Variants in INTU observed in about 807,000 individuals in gnomAD.
The protein encoded by INTU is inturned planar cell polarity protein.
In INTU, 68 loss-of-function variants were observed where a neutral mutation model predicts 100.5. That is an observed-to-expected ratio of 0.68 (90% CI 0.56 to 0.83). The LOEUF is 0.83. Among genes scored for constraint, INTU ranks in the 40% least tolerant of loss-of-function variants. The pLI is 0.00. For missense variants in INTU, 1,071 were observed against 1,114.7 expected (o/e 0.96, Z 0.56); for synonymous variants, 357 against 395.7 (o/e 0.90, Z 1.16).
chr4:127,719,688 A>G lies in INTU; in HGVS notation c.*3252A>G, dbSNP rs1024156610. On this transcript the variant is annotated 3_prime_UTR_variant, in exon 16 of 16. Coordinates refer to ENST00000335251, the MANE Select transcript of INTU (RefSeq NM_015693.4). ...TGTTATTGGTCTATTCAGTGATTCA[A>G]CTTCTTCCTGGTTCAGTCTTGGGAG... 5 of 152,154 alleles carry G rather than the reference A, an allele frequency of 3.3e-5. No individual in the cohort carries two copies. The highest frequency in any genetic ancestry group is 1.2e-4 in the African/African-American group (5 of 41,442). The allele number at this position is 152,154 out of a possible 1,614,324, so 9.4% of individuals were successfully genotyped here. A position where few individuals can be genotyped will look rare whatever the true frequency, so the allele number is the denominator to read the frequency against.
Position 127,713,948 on chromosome 4 carries a change from C to G in INTU, c.2572C>G (p.Leu858Val). The G allele has an allele frequency of 3.7e-6, 6 of 1,603,688 alleles. No individual in the cohort carries two copies. Among genetic ancestry groups the G allele is most frequent in the Non-Finnish European group, 4.3e-6 (5 of 1,173,128 alleles). ...TATTAATTTACAGAAAAAGAAAGGA[C>G]TAAATAGTGGAGACCATTCAGATTC... The part of the protein sequence containing the change: ...QTLVEEKKKG[L>V]NSGDHSDSAK... Residue 858 changes from leucine (L) to valine (V), a missense_variant, in exon 15 of 16, where the codon CTA becomes GTA. Physicochemically the swap from Leu to Val is conservative, Grantham distance 32. Coordinates refer to ENST00000335251, the MANE Select transcript of INTU (RefSeq NM_015693.4).
chr4:127,699,894 G>C, intron 8 of INTU, 116 bp from the exon 9 acceptor site: 1 of 626,670 alleles, frequency 1.6e-6, no homozygotes, highest in Non-Finnish European at 2.7e-6. Context: ...TAACACAAAA[G>C]AGAAAGATAC....
intron 8 of INTU, among the ~76,000 whole-genome samples, chr4:127,689,019 C>T (rs1248336729): frequency 7.4e-6 from 1 of 135,902 alleles, no homozygotes; most frequent in Non-Finnish European, 1.5e-5. Flanking sequence ...CTTTGTCACC[C>T]CAGCTGGAGT....
At position 127,640,596 on chromosome 4, in the gene INTU, T is replaced by TAC. The variant is rs1553969749; in HGVS notation, c.147-2923_147-2922dup. On this transcript the variant is annotated intron_variant, in intron 1 of 15. Coordinates refer to ENST00000335251, the MANE Select transcript of INTU (RefSeq NM_015693.4). ...ATATATATATATATATATATACATA[T>TAC]ACATAAACACACATGTGTATATTGA... 2.0e-3 allele frequency among the ~76,000 whole-genome samples: 79 copies of TAC among 39,854 alleles called. 6 individuals are homozygous for TAC. Among genetic ancestry groups the TAC allele is most frequent in the Middle Eastern group, 0.02 (1 of 50 alleles). 26.1% of individuals were successfully genotyped at this position (39,854 alleles called of 152,430 possible). A position where few individuals can be genotyped will look rare whatever the true frequency, so the allele number is the denominator to read the frequency against.
chr4:127,671,101 A>G (rs1728906122), intron 5 of INTU, among the ~76,000 whole-genome samples: 1 of 152,158 alleles, frequency 6.6e-6, no homozygotes, highest in African/African-American at 2.4e-5. Flanking sequence ...ACAAAACCAA[A>G]AAATAGATAA....
In INTU at chr4:127,705,612, T is replaced by G; in HGVS notation, c.1588T>G (p.Leu530Val). Residue 530 changes from leucine (L) to valine (V), a missense_variant, in exon 11 of 16, where the codon TTG becomes GTG. Leu to Val is a conservative substitution (Grantham distance 32). Transcript: ENST00000335251. The part of the protein sequence containing the change: ...FYKGYLICSH[L>V]PKDDLIDIAV... ...CAAGGGTTATTTGATATGCAGTCATTTGCCCAAGGATGATCTTATTGATAT... is the reference window on the plus strand; with the variant it reads ...CAAGGGTTATTTGATATGCAGTCATGTGCCCAAGGATGATCTTATTGATAT... 1 of 1,613,894 alleles carries G rather than the reference T, an allele frequency of 6.2e-7. No homozygotes were observed. The highest frequency in any genetic ancestry group is 8.5e-7 in the Non-Finnish European group (1 of 1,179,824).
At chr4:127,635,139 T>A (rs1727012720) in intron 1 of INTU, among the ~76,000 whole-genome samples, 1 of 152,236 alleles carries the variant, frequency 6.6e-6, no homozygotes, top group Non-Finnish European at 1.5e-5. Context: ...GTACCTGAGC[T>A]GTATGTGATT....
intron 13 of INTU, among the ~76,000 whole-genome samples, chr4:127,710,181 A>G (rs1223882213): frequency 6.6e-6 from 1 of 152,136 alleles, no homozygotes; most frequent in Non-Finnish European, 1.5e-5. Flanking sequence ...GGTGTAAATC[A>G]TAGGCTCTCC....
At chr4:127,653,875 C>A (rs1386350420) in intron 2 of INTU, among the ~76,000 whole-genome samples, 2 of 151,752 alleles carry the variant, frequency 1.3e-5, no homozygotes, top group South Asian at 4.2e-4. Context: ...TTGTAGGTCA[C>A]TCAGGACTTG....
chr4:127,679,592 A>G (rs1429797695), intron 6 of INTU, among the ~76,000 whole-genome samples: 15 of 152,300 alleles, frequency 9.8e-5, no homozygotes, highest in South Asian at 4.1e-4. Context: ...TCTCTGGGAC[A>G]CATTCAAAGC....
intron 8 of INTU, among the ~76,000 whole-genome samples, chr4:127,698,719 A>G (rs1024703207): frequency 1.3e-5 from 2 of 152,152 alleles, no homozygotes; most frequent in African/African-American, 2.4e-5. Flanking sequence ...AAGAGAAAAG[A>G]TATTTGTATG....
chr4:127,652,912 C>G (rs1179809443), intron 2 of INTU, among the ~76,000 whole-genome samples: 1 of 142,502 alleles, frequency 7.0e-6, no homozygotes, highest in Non-Finnish European at 1.5e-5. Flanking sequence ...TGTTATTGGT[C>G]TATTCAGAGA....
At position 127,674,960 on chromosome 4, in the gene INTU, G is replaced by T. The variant is rs1729109020; in HGVS notation, c.1181+747G>T. Among the ~76,000 whole-genome samples the T allele has an allele frequency of 2.6e-5, 4 of 152,258 alleles. No individual in the cohort carries two copies. The South Asian group carries it at 8.3e-4, about 32-fold the overall frequency. ...AGGCAGGATTGGAAATTGAATGTGG[G>T]TCTGTCTGAATTCTTTCTACAACAT... On this transcript the variant is annotated intron_variant, in intron 6 of 15. Transcript: ENST00000335251.
chr4:127,695,937 A>G (rs1473475494), intron 8 of INTU, among the ~76,000 whole-genome samples: 2 of 152,296 alleles, frequency 1.3e-5, no homozygotes, highest in East Asian at 3.9e-4. Context: ...TTTTCTGCAT[A>G]TATTGATAGA....
rs370322433 is a variant in INTU, at chr4:127,702,215, T to G, written c.1504-2013T>G. Among the ~76,000 whole-genome samples, 47 of 152,008 alleles carry G rather than the reference T, an allele frequency of 3.1e-4. 1 individual carries two copies. The South Asian group carries it at 4.1e-3, about 13-fold the overall frequency. The stretch of plus-strand genomic sequence containing the variant: ...AGTAAAAAAAAAAGAAAGAAAACCA[T>G]AATTCATAAAAGAAAAAATGGATAA... On this transcript the variant is annotated intron_variant, in intron 9 of 15. Coordinates refer to ENST00000335251, the MANE Select transcript of INTU (RefSeq NM_015693.4).
chr4:127,655,658 G>C (rs1284523861), intron 2 of INTU, among the ~76,000 whole-genome samples: 1 of 150,926 alleles, frequency 6.6e-6, no homozygotes, highest in Non-Finnish European at 1.5e-5. Flanking sequence ...AGTCTGCAGA[G>C]GTTACTGCTG....
In INTU at chr4:127,722,491, C is replaced by A. The variant is rs147338486; in HGVS notation, c.*6055C>A. 2 of 152,348 alleles carry A rather than the reference C, an allele frequency of 1.3e-5. No homozygotes were observed. Among genetic ancestry groups the A allele is most frequent in the Non-Finnish European group, 2.9e-5 (2 of 68,112 alleles). 9.4% of individuals were successfully genotyped at this position (152,348 alleles called of 1,614,324 possible). A position where few individuals can be genotyped will look rare whatever the true frequency, so the allele number is the denominator to read the frequency against. On this transcript the variant is annotated 3_prime_UTR_variant, in exon 16 of 16. Transcript: ENST00000335251. ...CCCTTGACAGGGTGGGTGTGCTACA[C>A]TGGGGGGAATCCCCCTCATCTGGAC... is the stretch of plus-strand genomic sequence containing the variant.
chr4:127,680,640 A>C (rs1479053376), intron 6 of INTU, among the ~76,000 whole-genome samples: 1 of 124,104 alleles, frequency 8.1e-6, no homozygotes, highest in Admixed American at 8.9e-5. Context: ...CCCACAGCCA[A>C]TATCATACTG....
chr4:127,646,825 C>CA (rs200371742), intron 2 of INTU, among the ~76,000 whole-genome samples: 42 of 148,928 alleles, frequency 2.8e-4, no homozygotes, highest in Middle Eastern at 6.8e-3. Context: ...GATTGAAACT[C>CA]AAAAAAAAAT....
Sources: allele counts gnomAD v4.1 joint callset (sites outside exome capture counted in the v4.1 genomes callset), GRCh38; gene constraint gnomAD v4.1.1; transcripts MANE v1.5; gene names NCBI Gene and HGNC (gene_info 2026-07-23, HGNC 2026-07-21).